LAMTOR3: variants seen among roughly 807,000 people sequenced by gnomAD.
The protein encoded by LAMTOR3 is late endosomal/lysosomal adaptor, MAPK and MTOR activator 3.
In LAMTOR3, 14 loss-of-function variants were observed where a neutral mutation model predicts 20.3. The observed-to-expected ratio is 0.69, with a 90% CI of 0.46 to 1.08. The LOEUF is 1.08. Ranked by LOEUF, LAMTOR3 falls within the 50% of genes least tolerant of loss-of-function variation. The pLI is 0.00. For synonymous variants in LAMTOR3, 40 were observed against 49.4 expected, an observed-to-expected ratio of 0.81 and a Z score of 0.80; for missense variants, 125 against 143.7, an observed-to-expected ratio of 0.87 and a Z score of 0.67.
At chr4:99,887,147 A>C (rs1192377813) in intron 4 of LAMTOR3, 149 bp downstream of exon 4, 5 of 461,920 alleles carry the variant, frequency 1.1e-5, no homozygotes, top group Non-Finnish European at 2.0e-5. Context: ...TTCAACATAC[A>C]AAAGCAAACA....
intron 5 of LAMTOR3, 69 bp downstream of exon 5, chr4:99,885,473 T>C (rs966718238): frequency 2.2e-6 from 3 of 1,379,946 alleles, no homozygotes; most frequent in Non-Finnish European, 2.9e-6. Flanking sequence ...ACACAAACTA[T>C]TTTATATATA....
chr4:99,885,677 T>G lies in LAMTOR3; in HGVS notation c.104-2A>C, dbSNP rs746869924. ...GCTCTGGAGCATTGTCATTTGCCAC[T>G]AGAAAAATAAGTGATTTAAATAAAA... On this transcript the variant is annotated splice_acceptor_variant, in intron 4 of 6. Transcript: ENST00000499666. LOFTEE classifies it high-confidence loss of function. 3.7e-6 allele frequency: 6 copies of G among 1,609,450 alleles called. No individual in the cohort carries two copies. Among genetic ancestry groups the G allele is most frequent in the Non-Finnish European group, 5.1e-6 (6 of 1,178,120 alleles).
chr4:99,887,844 C>G (rs1724956822), intron 3 of LAMTOR3, among the ~76,000 whole-genome samples: 1 of 152,138 alleles, frequency 6.6e-6, no homozygotes, highest in Non-Finnish European at 1.5e-5. Context: ...CTCACAATAA[C>G]AAACGTAAAA....
chr4:99,891,957 T>C, intron 3 of LAMTOR3, 43 bp downstream of exon 3: 3 of 1,551,386 alleles, frequency 1.9e-6, no homozygotes, highest in East Asian at 2.4e-5. Flanking sequence ...AATTAACATA[T>C]GGCATATAGA....
At chr4:99,882,748 T>C (rs1269013829) in intron 6 of LAMTOR3, among the ~76,000 whole-genome samples, 2 of 152,048 alleles carry the variant, frequency 1.3e-5, no homozygotes, top group African/African-American at 4.8e-5. Context: ...AATTTATTTT[T>C]ATAAATTTGA....
Position 99,885,684 on chromosome 4 carries a change from A to G in LAMTOR3, c.104-9T>C, listed in dbSNP as rs1203865062. 1.9e-6 allele frequency: 3 copies of G among 1,608,506 alleles called. No individual in the cohort carries two copies. Among genetic ancestry groups the G allele is most frequent in the Non-Finnish European group, 1.7e-6 (2 of 1,177,414 alleles). On this transcript the variant is annotated splice_polypyrimidine_tract_variant and intron_variant, in intron 4 of 6. Transcript: ENST00000499666. ...AGCATTGTCATTTGCCACTAGAAAA[A>G]TAAGTGATTTAAATAAAAATTATGC...
Position 99,885,680 on chromosome 4 carries a change from A to G in LAMTOR3, c.104-5T>C, listed in dbSNP as rs1277472810. On this transcript the variant is annotated splice_region_variant and splice_polypyrimidine_tract_variant and intron_variant, in intron 4 of 6. Transcript: ENST00000499666. The stretch of plus-strand genomic sequence containing the variant: ...CTGGAGCATTGTCATTTGCCACTAG[A>G]AAAATAAGTGATTTAAATAAAAATT... 1.9e-6 allele frequency: 3 copies of G among 1,609,472 alleles called. No homozygotes were observed. Among genetic ancestry groups the G allele is most frequent in the Non-Finnish European group, 2.5e-6 (3 of 1,177,944 alleles).
intron 5 of LAMTOR3, 31 bp downstream of exon 5, chr4:99,885,511 T>C (rs1226218132): frequency 3.2e-6 from 5 of 1,551,182 alleles, no homozygotes; most frequent in Non-Finnish European, 3.5e-6. Context: ...ACAACTGAAA[T>C]CAGCAAATCA....
chr4:99,884,051 A>T lies in LAMTOR3; in HGVS notation c.301+11T>A. 6.3e-7 allele frequency: 1 copy of T among 1,578,180 alleles called. No individual in the cohort carries two copies. The highest frequency in any genetic ancestry group is 1.1e-5 in the South Asian group (1 of 89,674). Reference sequence around the variant, plus strand: ...AAGGATTAAAGTGATATTTAAGGTCATTAAACACACCTGTATTGGCACTGC... The same window carrying T: ...AAGGATTAAAGTGATATTTAAGGTCTTTAAACACACCTGTATTGGCACTGC... On this transcript the variant is annotated intron_variant, in intron 6 of 6. Transcript: ENST00000499666.
intron 3 of LAMTOR3, among the ~76,000 whole-genome samples, chr4:99,889,750 C>A (rs937206824): frequency 6.6e-6 from 1 of 152,176 alleles, no homozygotes; most frequent in Non-Finnish European, 1.5e-5. Context: ...GAATGTACTA[C>A]TTACCCCCAA....
chr4:99,887,412 TTAAAATA>T, intron 3 of LAMTOR3, 58 bp from the exon 4 acceptor site: 1 of 779,576 alleles, frequency 1.3e-6, no homozygotes, highest in Non-Finnish European at 1.9e-6. Context: ...TTTTAAAAAG[TTAAAATA>T]TAAAATATTT....
In LAMTOR3 at chr4:99,880,597, T is replaced by TA. The variant is rs924677287; in HGVS notation, c.*1396dup. The TA allele has an allele frequency of 3.4e-4, 49 of 145,350 alleles. No homozygotes were observed. Among genetic ancestry groups the TA allele is most frequent in the South Asian group, 1.5e-3 (7 of 4,552 alleles). 9.0% of individuals were successfully genotyped at this position (145,350 alleles called of 1,614,324 possible). ...GGCAACACAGCAAGACTCTGTCTCTTAAAAAAAAAAAGAAAGAAAGAAAAA... is the reference window on the plus strand; with the variant it reads ...GGCAACACAGCAAGACTCTGTCTCTTAAAAAAAAAAAAGAAAGAAAGAAAAA... On this transcript the variant is annotated 3_prime_UTR_variant, in exon 7 of 7. Transcript: ENST00000499666.
rs1380684679 is a variant in LAMTOR3, at chr4:99,881,941, T to C, written c.*53A>G. On this transcript the variant is annotated 3_prime_UTR_variant, in exon 7 of 7. Coordinates refer to ENST00000499666, the MANE Select transcript of LAMTOR3 (RefSeq NM_021970.4). ...TATTGTAGTCTAAAGATTGCTGGAT[T>C]GATATTGTGTTGTTATAATGAAGAT... 2.5e-6 allele frequency: 3 copies of C among 1,195,512 alleles called. No homozygotes were observed. The highest frequency in any genetic ancestry group is 3.0e-5 in the African/African-American group (2 of 66,190). The allele number at this position is 1,195,512 out of a possible 1,614,324, so 74.1% of individuals were successfully genotyped here. A position where few individuals can be genotyped will look rare whatever the true frequency, so the allele number is the denominator to read the frequency against.
At position 99,881,976 on chromosome 4, in the gene LAMTOR3, A is replaced by G. The variant is rs745958845; in HGVS notation, c.*18T>C. On this transcript the variant is annotated 3_prime_UTR_variant, in exon 7 of 7. Transcript: ENST00000499666. ...TTGTTATAATGAAGATAAGGTACACACTGAAACCACTGTCAGATTAAGAAA... is the reference window on the plus strand; with the variant it reads ...TTGTTATAATGAAGATAAGGTACACGCTGAAACCACTGTCAGATTAAGAAA... 2 of 1,541,230 alleles carry G rather than the reference A, an allele frequency of 1.3e-6. No individual in the cohort carries two copies. Among genetic ancestry groups the G allele is most frequent in the Non-Finnish European group, 8.9e-7 (1 of 1,117,392 alleles).
intron 2 of LAMTOR3, among the ~76,000 whole-genome samples, chr4:99,893,240 C>A (rs922033671): frequency 2.0e-5 from 3 of 152,028 alleles, no homozygotes; most frequent in Non-Finnish European, 4.4e-5. Context: ...TCTTGAACTC[C>A]CGGCCTCAAG....
chr4:99,887,223 T>A, intron 4 of LAMTOR3, 73 bp downstream of exon 4: 1 of 924,860 alleles, frequency 1.1e-6, no homozygotes, highest in South Asian at 1.6e-5. Flanking sequence ...CCTGCTGTAC[T>A]ACTCAGATGT....
In LAMTOR3 at chr4:99,887,288, A is replaced by T; in HGVS notation, c.103+8T>A. ...AGAAGACATTTGCATTTAAATGTTCAGTTTTACCTTTAATAACAGGTACTC... is the reference window on the plus strand; with the variant it reads ...AGAAGACATTTGCATTTAAATGTTCTGTTTTACCTTTAATAACAGGTACTC... On this transcript the variant is annotated splice_region_variant and intron_variant, in intron 4 of 6. Transcript: ENST00000499666. The T allele has an allele frequency of 6.5e-7, 1 of 1,547,664 alleles. No homozygotes were observed. Among genetic ancestry groups the T allele is most frequent in the Non-Finnish European group, 8.8e-7 (1 of 1,139,090 alleles).
chr4:99,894,277 A>C (rs1216727760), intron 1 of LAMTOR3, 58 bp downstream of exon 1: 1 of 315,862 alleles, frequency 3.2e-6, no homozygotes, highest in Non-Finnish European at 5.8e-6. Context: ...GTTTAATCTC[A>C]CCACCCGCGC....
At position 99,894,396 on chromosome 4, in the gene LAMTOR3, G is replaced by T. The variant is rs897637992; in HGVS notation, c.-99C>A. On this transcript the variant is annotated 5_prime_UTR_variant, in exon 1 of 7. Coordinates refer to ENST00000499666, the MANE Select transcript of LAMTOR3 (RefSeq NM_021970.4). Reference sequence around the variant, plus strand: ...ACTTCAGGGACAGCTTTAAAGACAGGTTCCTCCTCAAGCCACCGTCACATG... The same window carrying T: ...ACTTCAGGGACAGCTTTAAAGACAGTTTCCTCCTCAAGCCACCGTCACATG... 1 of 162,582 alleles carries T rather than the reference G, an allele frequency of 6.2e-6. No homozygotes were observed. Among genetic ancestry groups the T allele is most frequent in the East Asian group, 1.7e-4 (1 of 5,974 alleles). The allele number at this position is 162,582 out of a possible 1,614,324, so 10.1% of individuals were successfully genotyped here.
Sources: allele counts gnomAD v4.1 joint callset (sites outside exome capture counted in the v4.1 genomes callset), GRCh38; gene constraint gnomAD v4.1.1; transcripts MANE v1.5; gene names NCBI Gene and HGNC (gene_info 2026-07-23, HGNC 2026-07-21).